The following PEAK1 variants were observed in gnomAD, a reference collection of about 807,000 sequenced individuals.
PEAK1 encodes pseudopodium enriched atypical kinase 1, also known as inactive tyrosine-protein kinase PEAK1.
PEAK1 carries 54 observed loss-of-function variants against 124.7 expected under a neutral mutation model. The ratio of observed to expected loss-of-function variants is 0.43; its 90% CI spans 0.35 to 0.54. The LOEUF (loss-of-function observed/expected upper bound fraction) is 0.54. Ranked by LOEUF, PEAK1 falls within the 20% of genes least tolerant of loss-of-function variation. The pLI is 0.01. For missense variants in PEAK1, 2,046 were observed against 2,134.5 expected, an observed-to-expected ratio of 0.96 and a Z score of 0.82; for synonymous variants, 719 against 760.0, an observed-to-expected ratio of 0.95 and a Z score of 0.89.
chr15:77,119,270 A>G (rs536754202), intron 9 of PEAK1, among the ~76,000 whole-genome samples: 18 of 152,248 alleles, frequency 1.2e-4, no homozygotes, highest in Non-Finnish European at 2.2e-4. Context: ...TCAGAGGAAC[A>G]TCAAAAGGGA....
intron 2 of PEAK1, among the ~76,000 whole-genome samples, chr15:77,293,271 T>C (rs962396161): frequency 6.6e-6 from 1 of 152,220 alleles, no homozygotes; most frequent in African/African-American, 2.4e-5. Flanking sequence ...CTGTTCTCTT[T>C]TAAAAACCCA....
At chr15:77,218,616 G>C (rs908064863) in intron 6 of PEAK1, among the ~76,000 whole-genome samples, 2 of 151,176 alleles carry the variant, frequency 1.3e-5, no homozygotes, top group African/African-American at 4.9e-5. Context: ...ATGTATCCTA[G>C]GCTGGAATAC....
intron 8 of PEAK1, among the ~76,000 whole-genome samples, chr15:77,144,124 T>C (rs2054002426): frequency 6.6e-6 from 1 of 152,194 alleles, no homozygotes; most frequent in Non-Finnish European, 1.5e-5. Flanking sequence ...CTTTAATGCT[T>C]ATCAGAGGAG....
At chr15:77,256,930 T>C (rs1276301296) in intron 5 of PEAK1, among the ~76,000 whole-genome samples, 3 of 135,760 alleles carry the variant, frequency 2.2e-5, no homozygotes, top group East Asian at 2.5e-4. Context: ...CCTGTGTCCA[T>C]GTGTTCTCAT....
chr15:77,332,196 C>T, intron 2 of PEAK1: 1 of 977,776 alleles, frequency 1.0e-6, no homozygotes, highest in Non-Finnish European at 1.2e-6. Flanking sequence ...TACATTTCTC[C>T]TCACTAACAA....
downstream of PEAK1, chr15:77,104,662 G>C (rs1171325698): frequency 2.0e-5 from 3 of 152,270 alleles, no homozygotes; most frequent in Admixed American, 1.3e-4. Context: ...ACACCAAGAA[G>C]CCACTGATGA....
intron 6 of PEAK1, among the ~76,000 whole-genome samples, chr15:77,220,481 C>T (rs1310176247): frequency 7.8e-6 from 1 of 128,144 alleles, no homozygotes; most frequent in Non-Finnish European, 1.6e-5. Flanking sequence ...ATAATGTTGC[C>T]AATACAATAG....
At chr15:77,374,797 T>C (rs1244787341) in intron 1 of PEAK1, among the ~76,000 whole-genome samples, 28 of 152,178 alleles carry the variant, frequency 1.8e-4, no homozygotes, top group Admixed American at 1.8e-3. Flanking sequence ...ATTTCAACAC[T>C]ATCTCATTAA....
At chr15:77,187,741 C>T (rs2057619696) in intron 6 of PEAK1, among the ~76,000 whole-genome samples, 1 of 152,212 alleles carries the variant, frequency 6.6e-6, no homozygotes, top group African/African-American at 2.4e-5. Context: ...CAAGAATCCT[C>T]ACTGCTGTAC....
intron 5 of PEAK1, among the ~76,000 whole-genome samples, chr15:77,274,186 T>C (rs776639655): frequency 6.6e-6 from 1 of 152,114 alleles, no homozygotes; most frequent in Non-Finnish European, 1.5e-5. Context: ...GAAGATAACA[T>C]TGGGAAAAGC....
chr15:77,382,172 A>C (rs989904948), intron 1 of PEAK1, among the ~76,000 whole-genome samples: 2 of 152,114 alleles, frequency 1.3e-5, no homozygotes, highest in South Asian at 4.1e-4. Context: ...AGAGTGGTTA[A>C]TAGAAACAGC....
chr15:77,220,518 T>C (rs547724137), intron 6 of PEAK1, among the ~76,000 whole-genome samples: 1 of 131,158 alleles, frequency 7.6e-6, no homozygotes, highest in African/African-American at 3.1e-5. Flanking sequence ...CAAGCTAAAA[T>C]TCAAAAAAAA....
chr15:77,205,844 ACTTT>A (rs774788237), intron 6 of PEAK1, among the ~76,000 whole-genome samples: 30 of 151,720 alleles, frequency 2.0e-4, no homozygotes, highest in Non-Finnish European at 3.8e-4. Context: ...TTTTTATTAT[ACTTT>A]AAGTTTTAGG....
intron 6 of PEAK1, among the ~76,000 whole-genome samples, chr15:77,199,390 C>T (rs1000653611): frequency 2.6e-5 from 4 of 152,106 alleles, no homozygotes; most frequent in African/African-American, 7.2e-5. Context: ...AGATCGGGGG[C>T]CATAGGACCT....
chr15:77,227,785 C>G (rs978987480), intron 6 of PEAK1, among the ~76,000 whole-genome samples: 1 of 151,956 alleles, frequency 6.6e-6, no homozygotes, highest in Non-Finnish European at 1.5e-5. Context: ...ATAACTTGAT[C>G]CCAGGAGTTC....
At chr15:77,103,059 T>C (rs2050710171) in exon 7 of PEAK1, 1 of 152,220 alleles carries the variant, frequency 6.6e-6, no homozygotes, top group Non-Finnish European at 1.5e-5. Context: ...ATAATAATAA[T>C]AAAATTTGTA....
At chr15:77,375,009 G>GT (rs2068902872) in intron 1 of PEAK1, among the ~76,000 whole-genome samples, 1 of 152,112 alleles carries the variant, frequency 6.6e-6, no homozygotes, top group Admixed American at 6.5e-5. Flanking sequence ...AGACCATGAT[G>GT]TATTTCAACT....
intron 6 of PEAK1, among the ~76,000 whole-genome samples, chr15:77,238,566 C>A (rs772189540): frequency 7.2e-5 from 11 of 152,072 alleles, no homozygotes; most frequent in Non-Finnish European, 1.3e-4. Context: ...TATTAGTTTT[C>A]TTCAAATATT....
chr15:77,141,439 T>C (rs975880301), intron 8 of PEAK1, among the ~76,000 whole-genome samples: 10 of 152,154 alleles, frequency 6.6e-5, no homozygotes, highest in African/African-American at 2.4e-4. Context: ...GACTTTATAT[T>C]GTTAAAAGGG....
Sources: allele counts gnomAD v4.1 joint callset (sites outside exome capture counted in the v4.1 genomes callset), GRCh38; gene constraint gnomAD v4.1.1; transcripts MANE v1.5; gene names NCBI Gene and HGNC (gene_info 2026-07-23, HGNC 2026-07-21).